NSF: variants seen among roughly 807,000 people sequenced by gnomAD.
The protein encoded by NSF is N-ethylmaleimide sensitive factor, vesicle fusing ATPase.
Under a neutral mutation model 50.3 loss-of-function variants are expected in NSF, and 14 were observed. The ratio of observed to expected loss-of-function variants is 0.28; its 90% CI spans 0.18 to 0.44. NSF has a LOEUF of 0.44. Ranked by LOEUF, NSF falls within the 20% of genes least tolerant of loss-of-function variation. The probability of loss-of-function intolerance (pLI) is 1.00; values close to 1 mark genes in which losing one functional copy is unlikely to be tolerated. For synonymous variants in NSF, 109 were observed against 175.7 expected, an observed-to-expected ratio of 0.62 and a Z score of 3.00; for missense variants, 218 against 504.3, an observed-to-expected ratio of 0.43 and a Z score of 5.44.
chr17:46,749,974 C>T, intron 18 of NSF, 67 bp downstream of exon 18: 1 of 1,512,312 alleles, frequency 6.6e-7, no homozygotes. Flanking sequence ...TAAGTAGTAC[C>T]ACATTATACC....
rs542480928 is a variant in NSF at position 46,728,651 on chromosome 17, A to G, written c.1829-204A>G. Among the ~76,000 whole-genome samples, 3 of 151,906 alleles carry G rather than the reference A, an allele frequency of 2.0e-5. No individual in the cohort carries two copies. The East Asian group carries it at 5.8e-4, about 29-fold the overall frequency. ...ATATTTTAAGCATTTAGGTTATTAG[A>G]GATATTTTTTCTTATTATAAATAGT... On this transcript the variant is annotated intron_variant, in intron 16 of 20. Coordinates refer to ENST00000398238, the MANE Select transcript of NSF (RefSeq NM_006178.4).
intron 1 of NSF, among the ~76,000 whole-genome samples, chr17:46,599,908 C>G (rs1012891410): frequency 2.5e-5 from 3 of 118,164 alleles, no homozygotes; most frequent in African/African-American, 1.1e-4. Context: ...CATTACAGAT[C>G]CAATTGACTC....
chr17:46,713,396 G>C (rs1180090560), intron 14 of NSF: 3 of 156,494 alleles, frequency 1.9e-5, no homozygotes, highest in Non-Finnish European at 4.2e-5. Flanking sequence ...TTATGAGAAG[G>C]CCTGAGTCTT....
At chr17:46,730,271 CTT>C (rs139845357) in intron 17 of NSF, among the ~76,000 whole-genome samples, 10 of 152,082 alleles carry the variant, frequency 6.6e-5, no homozygotes, top group Admixed American at 6.6e-4. Flanking sequence ...GAATGTGAGA[CTT>C]TTTCTAGGCA....
At chr17:46,635,921 A>G (rs963249219) in intron 4 of NSF, among the ~76,000 whole-genome samples, 1 of 99,308 alleles carries the variant, frequency 1.0e-5, no homozygotes, top group Non-Finnish European at 2.2e-5. Context: ...ATCCTCTTGA[A>G]CTTTTCTGGG....
At chr17:46,740,534 G>A (rs910635681) in intron 17 of NSF, among the ~76,000 whole-genome samples, 1 of 152,096 alleles carries the variant, frequency 6.6e-6, no homozygotes, top group Non-Finnish European at 1.5e-5. Context: ...ATATAAGAGT[G>A]GGGAGTTTGG....
intron 15 of NSF, among the ~76,000 whole-genome samples, chr17:46,716,957 A>G (rs1013744804): frequency 2.6e-5 from 4 of 152,230 alleles, no homozygotes; most frequent in Non-Finnish European, 5.9e-5. Flanking sequence ...TAATATCTGA[A>G]CAATCCCTTT....
intron 17 of NSF, among the ~76,000 whole-genome samples, chr17:46,737,385 A>G (rs1385955680): frequency 6.6e-6 from 1 of 152,194 alleles, no homozygotes. Flanking sequence ...ATTTTTTAGC[A>G]TCAGCATATC....
chr17:46,735,953 G>A (rs564802448), intron 17 of NSF, among the ~76,000 whole-genome samples: 1 of 152,102 alleles, frequency 6.6e-6, no homozygotes, highest in South Asian at 2.1e-4. Context: ...CTCAAAAAAA[G>A]AATTGCCTTT....
chr17:46,713,732 G>C (rs973034115), intron 14 of NSF, 121 bp from the exon 15 acceptor site: 5 of 816,174 alleles, frequency 6.1e-6, no homozygotes, highest in Non-Finnish European at 9.6e-6. Flanking sequence ...AATTGTGTCA[G>C]GAAATGTTAA....
At chr17:46,751,280 T>A (rs2059179507) in intron 18 of NSF, among the ~76,000 whole-genome samples, 1 of 152,144 alleles carries the variant, frequency 6.6e-6, no homozygotes, top group Admixed American at 6.5e-5. Flanking sequence ...TACATAGCGG[T>A]CCATAAGAAA....
At chr17:46,720,115 A>T (rs878921470) in intron 15 of NSF, among the ~76,000 whole-genome samples, 1 of 152,186 alleles carries the variant, frequency 6.6e-6, no homozygotes, top group African/African-American at 2.4e-5. Context: ...TGGAAATTGG[A>T]TCTTTTGACA....
intron 19 of NSF, among the ~76,000 whole-genome samples, chr17:46,752,487 G>A (rs771609380): frequency 2.0e-4 from 30 of 152,078 alleles, no homozygotes; most frequent in Non-Finnish European, 3.7e-4. Context: ...ACAGGGTCTC[G>A]CTCTGTCTCC....
At chr17:46,716,629 G>C (rs570015846) in intron 15 of NSF, among the ~76,000 whole-genome samples, 71 of 152,254 alleles carry the variant, frequency 4.7e-4, no homozygotes, top group African/African-American at 1.7e-3. Context: ...ATAATTTATA[G>C]AGTTTTATAA....
At chr17:46,716,571 T>C (rs2058772567) in intron 15 of NSF, among the ~76,000 whole-genome samples, 1 of 152,134 alleles carries the variant, frequency 6.6e-6, no homozygotes, top group Non-Finnish European at 1.5e-5. Context: ...CCTCCATTTT[T>C]AGTGTGAGGA....
intron 13 of NSF, among the ~76,000 whole-genome samples, chr17:46,708,824 T>TG (rs1568038736): frequency 3.4e-5 from 2 of 58,536 alleles, no homozygotes; most frequent in African/African-American, 1.3e-4. Flanking sequence ...ATATATATAT[T>TG]TTTTTTTTTT....
At chr17:46,737,952 A>ATTATTG (rs530345654) in intron 17 of NSF, among the ~76,000 whole-genome samples, 2,833 of 139,924 alleles carry the variant, frequency 0.02, 220 homozygotes, top group East Asian at 0.18. Context: ...TATTATTATT[A>ATTATTG]GAGATAGGAT....
At chr17:46,602,756 A>G (rs2057925554) in intron 1 of NSF, among the ~76,000 whole-genome samples, 1 of 147,630 alleles carries the variant, frequency 6.8e-6, no homozygotes. Context: ...AATTATCCTG[A>G]CTATTTTTCT....
intron 16 of NSF, among the ~76,000 whole-genome samples, chr17:46,727,302 A>G (rs888826508): frequency 7.9e-5 from 12 of 152,372 alleles, no homozygotes; most frequent in African/African-American, 2.9e-4. Context: ...AGGAAGGGCC[A>G]GAAAGTTGTT....
Sources: gnomAD v4.1 joint callset for allele counts (sites outside exome capture counted in the v4.1 genomes callset) on GRCh38, gnomAD v4.1.1 for gene constraint, MANE v1.5 for transcripts, NCBI Gene and HGNC (gene_info 2026-07-23, HGNC 2026-07-21) for gene names.